The following FAM107B variants were observed in gnomAD, a reference collection of about 807,000 sequenced individuals.
FAM107B encodes the protein protein FAM107B.
In FAM107B, 21 loss-of-function variants were observed where a neutral mutation model predicts 31.5. That is an observed-to-expected ratio of 0.67 (90% CI 0.47 to 0.96). The LOEUF is 0.96. FAM107B is among the 40% of genes least tolerant of loss of function. FAM107B has a pLI of 0.00. For missense variants in FAM107B, 452 were observed against 377.1 expected (o/e 1.20, Z -1.64); for synonymous variants, 157 against 141.5 (o/e 1.11, Z -0.78).
At chr10:14,568,296 G>A (rs961755341) in intron 2 of FAM107B, among the ~76,000 whole-genome samples, 2 of 149,456 alleles carry the variant, frequency 1.3e-5, no homozygotes, top group African/African-American at 2.5e-5. Flanking sequence ...CACTGAACTC[G>A]GAGAGTGGCT....
chr10:14,689,230 A>G (rs1352837947), intron 1 of FAM107B, among the ~76,000 whole-genome samples: 2 of 151,830 alleles, frequency 1.3e-5, no homozygotes, highest in Non-Finnish European at 2.9e-5. Context: ...AAATACAAAA[A>G]TTAGCCAGGC....
In FAM107B at chr10:14,726,036, A is replaced by G. The variant is rs1178629352; in HGVS notation, c.411+48217T>C. Among the ~76,000 whole-genome samples, 5 of 146,284 alleles carry G rather than the reference A, an allele frequency of 3.4e-5. No individual in the cohort carries two copies. In the East Asian group the frequency reaches 1.0e-3, roughly 29 times the overall value. On this transcript the variant is annotated intron_variant, in intron 1 of 4. Coordinates refer to ENST00000181796, the MANE Select transcript of FAM107B (RefSeq NM_031453.4). ...GAGACGGAGTTTTGTTCTTGTTGCC[A>G]TGGCTAGAATGCAATGGCGCGATCT...
At chr10:14,536,742 G>T (rs535791479) in intron 2 of FAM107B, among the ~76,000 whole-genome samples, 2 of 152,146 alleles carry the variant, frequency 1.3e-5, no homozygotes, top group Non-Finnish European at 1.5e-5. Context: ...AGTCATCAGC[G>T]TAAGTGCAGA....
chr10:14,653,330 C>T (rs1289040057), intron 2 of FAM107B, among the ~76,000 whole-genome samples: 2 of 152,226 alleles, frequency 1.3e-5, no homozygotes, highest in African/African-American at 4.8e-5. Context: ...GATTACCATG[C>T]ACACTGGAGT....
intron 2 of FAM107B, among the ~76,000 whole-genome samples, chr10:14,566,623 C>T (rs1850689772): frequency 6.6e-6 from 1 of 152,176 alleles, no homozygotes; most frequent in African/African-American, 2.4e-5. Context: ...AGGGAACCAA[C>T]ACAGGTTGTT....
chr10:14,683,860 C>T (rs1466128950), intron 1 of FAM107B, among the ~76,000 whole-genome samples: 1 of 152,208 alleles, frequency 6.6e-6, no homozygotes, highest in African/African-American at 2.4e-5. Flanking sequence ...AGAGGCTACA[C>T]ATGCATGTCC....
chr10:14,598,012 T>C (rs1356530517), intron 2 of FAM107B, among the ~76,000 whole-genome samples: 1 of 152,162 alleles, frequency 6.6e-6, no homozygotes, highest in African/African-American at 2.4e-5. Flanking sequence ...GCCCATTTTT[T>C]AGTTGGGTTC....
chr10:14,774,397 C>T lies in FAM107B; in HGVS notation c.267G>A (p.Ala89=). ...CAGTGCGGTGACTTGAATTCCGATTCGCACTGCCATTTCTCTCTGCATGGG... is the reference window on the plus strand; with the variant it reads ...CAGTGCGGTGACTTGAATTCCGATTTGCACTGCCATTTCTCTCTGCATGGG... ...SSTHAERNGS[A]NRNSSHRTAA... Residue 89 remains alanine (A), a synonymous_variant, in exon 1 of 5, where the codon GCG becomes GCA. Coordinates refer to ENST00000181796, the MANE Select transcript of FAM107B (RefSeq NM_031453.4). 6.2e-7 allele frequency: 1 copy of T among 1,614,220 alleles called. No homozygotes were observed. Among genetic ancestry groups the T allele is most frequent in the South Asian group, 1.1e-5 (1 of 91,088 alleles).
intron 1 of FAM107B, among the ~76,000 whole-genome samples, chr10:14,755,496 C>CAA (rs561070511): frequency 1.8e-5 from 2 of 113,836 alleles, no homozygotes; most frequent in Non-Finnish European, 3.8e-5. Flanking sequence ...GATTCTGTCT[C>CAA]AAAAAAAAAA....
At chr10:14,523,056 G>C (rs1449330636) in intron 3 of FAM107B, among the ~76,000 whole-genome samples, 1 of 152,148 alleles carries the variant, frequency 6.6e-6, no homozygotes, top group Non-Finnish European at 1.5e-5. Context: ...CCATGAACTA[G>C]CCACCCTCCA....
chr10:14,597,810 C>G (rs971587657), intron 2 of FAM107B, among the ~76,000 whole-genome samples: 1 of 152,076 alleles, frequency 6.6e-6, no homozygotes, highest in African/African-American at 2.4e-5. Flanking sequence ...GTGAGCCAGG[C>G]GTGGTGGCAC....
intron 2 of FAM107B, among the ~76,000 whole-genome samples, chr10:14,601,904 C>G (rs1456535972): frequency 6.6e-6 from 1 of 152,132 alleles, no homozygotes; most frequent in Non-Finnish European, 1.5e-5. Context: ...AAACAATTAA[C>G]AGTCAAAGGA....
chr10:14,570,883 C>A (rs537277926), intron 2 of FAM107B, among the ~76,000 whole-genome samples: 18 of 148,658 alleles, frequency 1.2e-4, no homozygotes, highest in African/African-American at 4.5e-4. Flanking sequence ...TTTTTTAATC[C>A]ACAACTGTGA....
intron 1 of FAM107B, among the ~76,000 whole-genome samples, chr10:14,737,984 C>T (rs773878580): frequency 6.6e-6 from 1 of 152,158 alleles, no homozygotes; most frequent in Non-Finnish European, 1.5e-5. Flanking sequence ...TCCCCCGACA[C>T]AGCAGCCGCT....
chr10:14,740,646 A>G (rs1220397447), intron 1 of FAM107B, among the ~76,000 whole-genome samples: 2 of 152,342 alleles, frequency 1.3e-5, no homozygotes, highest in East Asian at 3.9e-4. Context: ...AATTGTAATC[A>G]ATGTACCACA....
chr10:14,693,695 T>C (rs1855199749), intron 1 of FAM107B, among the ~76,000 whole-genome samples: 2 of 152,274 alleles, frequency 1.3e-5, no homozygotes, highest in South Asian at 4.1e-4. Context: ...ATAACATTCC[T>C]AGACATGTTA....
chr10:14,732,575 T>C (rs1361054224), intron 1 of FAM107B, among the ~76,000 whole-genome samples: 1 of 152,090 alleles, frequency 6.6e-6, no homozygotes, highest in South Asian at 2.1e-4. Context: ...TGTATCAATG[T>C]AAGGTATTCT....
At chr10:14,571,690 G>C (rs1476074203) in intron 2 of FAM107B, 7 of 834,600 alleles carry the variant, frequency 8.4e-6, no homozygotes, top group Non-Finnish European at 8.7e-6. Context: ...ACAAGTCTAA[G>C]TTCACACAAC....
chr10:14,694,953 G>C (rs888240935), intron 1 of FAM107B, among the ~76,000 whole-genome samples: 1 of 152,094 alleles, frequency 6.6e-6, no homozygotes, highest in East Asian at 1.9e-4. Context: ...ATAGGTTGCT[G>C]TTTCACTACG....
Sources: gnomAD v4.1 joint callset for allele counts (sites outside exome capture counted in the v4.1 genomes callset) on GRCh38, gnomAD v4.1.1 for gene constraint, MANE v1.5 for transcripts, NCBI Gene and HGNC (gene_info 2026-07-23, HGNC 2026-07-21) for gene names.